The following CCDC181 variants were observed in gnomAD, a reference collection of about 807,000 sequenced individuals.
CCDC181 encodes the protein coiled-coil domain containing 181, also known as coiled-coil domain-containing protein 181.
A neutral mutation model predicts 58.7 loss-of-function variants in CCDC181; 35 were observed. The observed-to-expected ratio is 0.60, with a 90% confidence interval of 0.46 to 0.79. CCDC181 has a LOEUF of 0.79. CCDC181 is among the 30% of genes least tolerant of loss of function. The pLI is 0.00. For synonymous variants in CCDC181, 183 were observed against 197.5 expected (o/e 0.93, Z 0.62); for missense variants, 517 against 583.9 (o/e 0.89, Z 1.18).
chr1:169,457,437 C>T lies in CCDC181; in HGVS notation c.-24+2360G>A, dbSNP rs1040721324. 7.9e-5 allele frequency among the ~76,000 whole-genome samples: 12 copies of T among 152,232 alleles called. 1 individual carries two copies. The highest frequency in any genetic ancestry group is 3.4e-3 in the Middle Eastern group (1 of 294). ...TAATCTCCTATCTCATTGCTACATA[C>T]AGTAAGTCCTCACTTAACATCATTA... is the stretch of plus-strand genomic sequence containing the variant. On this transcript the variant is annotated intron_variant, in intron 2 of 6. Coordinates refer to the CCDC181 transcript ENST00000545005.
intron 2 of CCDC181, 118 bp downstream of exon 2, chr1:169,424,693 G>T: frequency 6.7e-6 from 4 of 594,456 alleles, no homozygotes; most frequent in East Asian, 2.7e-5. Context: ...ATAGTAATTT[G>T]CCCAATGTAG....
intron 4 of CCDC181, among the ~76,000 whole-genome samples, chr1:169,412,543 C>CA (rs1383692307): frequency 6.6e-6 from 1 of 151,878 alleles, no homozygotes; most frequent in Non-Finnish European, 1.5e-5. Flanking sequence ...TCATATGGAA[C>CA]AAAAAAAGAG....
upstream of CCDC181, among the ~76,000 whole-genome samples, chr1:169,429,850 T>C (rs1220408768): frequency 6.6e-6 from 1 of 152,220 alleles, no homozygotes; most frequent in Non-Finnish European, 1.5e-5. Context: ...TGCGTTTGCT[T>C]TTAGATTCTT....
chr1:169,405,342 T>C (rs998953982), intron 4 of CCDC181, among the ~76,000 whole-genome samples: 1 of 152,172 alleles, frequency 6.6e-6, no homozygotes, highest in African/African-American at 2.4e-5. Flanking sequence ...AGAGCCCACA[T>C]TGCCAAGACA....
intron 2 of CCDC181, chr1:169,443,360 T>A (rs1026412973): frequency 6.6e-6 from 1 of 152,162 alleles, no homozygotes; most frequent in Non-Finnish European, 1.5e-5. Flanking sequence ...CCTGCAGTGA[T>A]GCTTTTGTTT....
chr1:169,406,750 C>T (rs549532045), intron 4 of CCDC181, among the ~76,000 whole-genome samples: 30 of 151,416 alleles, frequency 2.0e-4, no homozygotes, highest in Admixed American at 1.1e-3. Flanking sequence ...CAAACCTGCA[C>T]GTTGTGGCAC....
chr1:169,409,380 T>C (rs981038682), intron 4 of CCDC181, among the ~76,000 whole-genome samples: 2 of 152,110 alleles, frequency 1.3e-5, no homozygotes, highest in African/African-American at 2.4e-5. Context: ...CCAAGAAATA[T>C]GGAACTATGT....
chr1:169,412,761 C>T (rs1251975198), intron 4 of CCDC181, among the ~76,000 whole-genome samples: 3 of 152,166 alleles, frequency 2.0e-5, no homozygotes, highest in African/African-American at 7.2e-5. Context: ...CTGACAAAAA[C>T]AAGAAATGGG....
chr1:169,414,077 G>C (rs1656109477), intron 4 of CCDC181, among the ~76,000 whole-genome samples: 1 of 152,090 alleles, frequency 6.6e-6, no homozygotes, highest in African/African-American at 2.4e-5. Flanking sequence ...TGCTGGACTG[G>C]AAGATTCAAA....
At chr1:169,409,187 G>A (rs1389873208) in intron 4 of CCDC181, among the ~76,000 whole-genome samples, 1 of 152,182 alleles carries the variant, frequency 6.6e-6, no homozygotes, top group East Asian at 1.9e-4. Context: ...GTTCAGAGAA[G>A]AACATAAATG....
In CCDC181 at chr1:169,422,036, A is replaced by G; in HGVS notation, c.395T>C (p.Val132Ala). Residue 132 changes from valine to alanine, a missense_variant, in exon 3 of 6, where the codon GTA (valine) becomes GCA (alanine). Physicochemically the swap from Val to Ala is moderately conservative, Grantham distance 64 (BLOSUM62 0). Coordinates refer to ENST00000367806, the MANE Select transcript of CCDC181 (RefSeq NM_001300969.2). The stretch of plus-strand genomic sequence containing the variant: ...ATTCTGTAGAAGCTTGTTAGCTTGT[A>G]CAATTTTCTCCATAATATATCTCCT... The part of the protein sequence containing the change: ...EVRRYIMEKI[V>A]QANKLLQNQE... 1 of 1,614,042 alleles carries G rather than the reference A, an allele frequency of 6.2e-7. No homozygotes were observed. The highest frequency in any genetic ancestry group is 8.5e-7 in the Non-Finnish European group (1 of 1,179,996).
chr1:169,457,760 CA>C (rs1219228406), intron 2 of CCDC181, among the ~76,000 whole-genome samples: 3 of 151,872 alleles, frequency 2.0e-5, no homozygotes, highest in East Asian at 1.9e-4. Flanking sequence ...AATAAATATA[CA>C]AAAAAGAACA....
At chr1:169,408,359 G>A (rs1420458190) in intron 4 of CCDC181, among the ~76,000 whole-genome samples, 1 of 152,162 alleles carries the variant, frequency 6.6e-6, no homozygotes, top group Non-Finnish European at 1.5e-5. Context: ...ACTCCTCTCT[G>A]GGCAGGGCAT....
Position 169,394,979 on chromosome 1 carries a change from A to G in CCDC181, c.*68T>C. The stretch of plus-strand genomic sequence containing the variant: ...ATAATTTAGAATACAACCAAAGTAC[A>G]CAGACCCTAAGAAATCATATCCAAA... On this transcript the variant is annotated 3_prime_UTR_variant, in exon 6 of 6. Transcript: ENST00000367806. The G allele has an allele frequency of 1.5e-6, 2 of 1,374,370 alleles. No individual in the cohort carries two copies. Among genetic ancestry groups the G allele is most frequent in the Non-Finnish European group, 2.0e-6 (2 of 1,010,372 alleles). The allele number at this position is 1,374,370 out of a possible 1,614,324, so 85.1% of individuals were successfully genotyped here.
intron 4 of CCDC181, among the ~76,000 whole-genome samples, chr1:169,400,843 A>C (rs971201189): frequency 6.6e-6 from 1 of 151,888 alleles, no homozygotes; most frequent in Non-Finnish European, 1.5e-5. Flanking sequence ...CACAGAGCAC[A>C]GTGGGGCATC....
chr1:169,444,508 CT>C (rs532300093), intron 2 of CCDC181, among the ~76,000 whole-genome samples: 24 of 152,254 alleles, frequency 1.6e-4, no homozygotes, highest in Non-Finnish European at 3.2e-4. Flanking sequence ...TGACCTTAAA[CT>C]TTTTTAAAAG....
At chr1:169,412,004 A>T (rs1655989913) in intron 4 of CCDC181, among the ~76,000 whole-genome samples, 2 of 152,234 alleles carry the variant, frequency 1.3e-5, no homozygotes, top group African/African-American at 4.8e-5. Context: ...CTCCTATTCA[A>T]CATAGTATTG....
chr1:169,428,060 C>T (rs2102108598), upstream of CCDC181, among the ~76,000 whole-genome samples: 1 of 152,264 alleles, frequency 6.6e-6, no homozygotes, highest in South Asian at 2.1e-4. Flanking sequence ...AATATTTCCT[C>T]AGTACAATCC....
intron 4 of CCDC181, among the ~76,000 whole-genome samples, chr1:169,406,477 A>T (rs1655663167): frequency 1.3e-5 from 2 of 152,204 alleles, no homozygotes; most frequent in Admixed American, 1.3e-4. Flanking sequence ...ATAAAAAAGG[A>T]TGAGTTCATA....
Sources: gnomAD v4.1 joint callset for allele counts (sites outside exome capture counted in the v4.1 genomes callset) on GRCh38, gnomAD v4.1.1 for gene constraint, MANE v1.5 for transcripts, NCBI Gene and HGNC (gene_info 2026-07-23, HGNC 2026-07-21) for gene names.